Variants in ARHGAP31 observed in about 807,000 individuals in gnomAD.
ARHGAP31 encodes the protein rho GTPase-activating protein 31.
ARHGAP31 carries 34 observed loss-of-function variants against 113.9 expected under a neutral mutation model. The observed-to-expected ratio is 0.30, with a 90% CI of 0.23 to 0.40. The LOEUF (loss-of-function observed/expected upper bound fraction) is 0.40, where lower values mean the gene tolerates loss of function less well. Among genes scored for constraint, ARHGAP31 ranks in the 10% least tolerant of loss-of-function variants. The probability of loss-of-function intolerance (pLI) is 1.00; values close to 1 mark genes in which losing one functional copy is unlikely to be tolerated. For missense variants in ARHGAP31, 1,548 were observed against 1,767.1 expected (o/e 0.88, Z 2.22); for synonymous variants, 650 against 684.8 (o/e 0.95, Z 0.79).
chr3:119,325,808 G>A (rs1486910846), intron 1 of ARHGAP31, among the ~76,000 whole-genome samples: 3 of 152,218 alleles, frequency 2.0e-5, no homozygotes, highest in Admixed American at 6.5e-5. Flanking sequence ...CACCTGGGAA[G>A]TTTTTAAAAA....
chr3:119,343,814 C>T (rs1317400075), intron 1 of ARHGAP31, among the ~76,000 whole-genome samples: 1 of 152,214 alleles, frequency 6.6e-6, no homozygotes, highest in Non-Finnish European at 1.5e-5. Flanking sequence ...CAGGGACACT[C>T]CTGTACATCT....
chr3:119,321,707 G>A (rs1314329430), intron 1 of ARHGAP31, among the ~76,000 whole-genome samples: 2 of 152,306 alleles, frequency 1.3e-5, no homozygotes, highest in Non-Finnish European at 2.9e-5. Flanking sequence ...AGAGTGCAGT[G>A]TCACGATCTC....
intron 8 of ARHGAP31, among the ~76,000 whole-genome samples, chr3:119,394,964 T>C (rs2080536213): frequency 6.6e-6 from 1 of 152,200 alleles, no homozygotes; most frequent in Non-Finnish European, 1.5e-5. Context: ...AGCAAAATAT[T>C]GACACTTTAA....
rs751697784 is a variant in ARHGAP31, at chr3:119,393,603, C to T, written c.1006+12C>T. ...ACAGAGGCTCTCGGGTAAGAATCAA[C>T]AGCAATTGTTTTATGATACAAATAT... On this transcript the variant is annotated intron_variant, in intron 8 of 11. Coordinates refer to ENST00000264245, the MANE Select transcript of ARHGAP31 (RefSeq NM_020754.4). 10 of 1,613,738 alleles carry T rather than the reference C, an allele frequency of 6.2e-6. No homozygotes were observed. Among genetic ancestry groups the T allele is most frequent in the Admixed American group, 1.7e-5 (1 of 59,994 alleles).
chr3:119,313,875 T>C (rs2079705510), intron 1 of ARHGAP31, among the ~76,000 whole-genome samples: 1 of 152,188 alleles, frequency 6.6e-6, no homozygotes, highest in Admixed American at 6.5e-5. Flanking sequence ...TATCTTAAGG[T>C]AGGATCAGAA....
chr3:119,332,268 C>G lies in ARHGAP31; in HGVS notation c.101-33048C>G, dbSNP rs571825488. On this transcript the variant is annotated intron_variant, in intron 1 of 11. Coordinates refer to ENST00000264245, the MANE Select transcript of ARHGAP31 (RefSeq NM_020754.4). ...AGGCTGGAGTACAATGGCATGATCT[C>G]GGCTCACTGCAACCTCTGTCTCCCA... 3.3e-5 allele frequency among the ~76,000 whole-genome samples: 5 copies of G among 151,894 alleles called. 1 individual carries two copies. The highest frequency in any genetic ancestry group is 1.2e-4 in the African/African-American group (5 of 41,420).
chr3:119,321,274 A>G (rs1445985661), intron 1 of ARHGAP31, among the ~76,000 whole-genome samples: 1 of 120,400 alleles, frequency 8.3e-6, no homozygotes, highest in Non-Finnish European at 1.8e-5. Flanking sequence ...ACATATATAT[A>G]TATACTATAT....
chr3:119,308,927 A>T (rs144510731), intron 1 of ARHGAP31, among the ~76,000 whole-genome samples: 7 of 152,108 alleles, frequency 4.6e-5, no homozygotes, highest in African/African-American at 1.7e-4. Context: ...TGCAGCCTTG[A>T]CTTCCTGGAC....
rs186621177 is a variant in ARHGAP31, at chr3:119,414,288, C to G, written c.2359C>G (p.Pro787Ala). Reference sequence around the variant, plus strand: ...TCCTCCACTCCCACCTGCTCCTCCCCCTCCAACTCCTCTGGAGGAGTCAAC... The same window carrying G: ...TCCTCCACTCCCACCTGCTCCTCCCGCTCCAACTCCTCTGGAGGAGTCAAC... ...LSPPLPPAPP[P>A]PTPLEESTPV... Residue 787 changes from proline (P) to alanine (A), a missense_variant, in exon 12 of 12, where the codon CCT becomes GCT. Physicochemically the swap from Pro to Ala is conservative, Grantham distance 27. Transcript: ENST00000264245. The G allele has an allele frequency of 2.3e-4, 368 of 1,614,194 alleles. 3 individuals carry two copies. In the African/African-American group the frequency reaches 4.3e-3, roughly 19 times the overall value.
chr3:119,296,507 C>G (rs893160091), intron 1 of ARHGAP31, among the ~76,000 whole-genome samples: 3 of 152,184 alleles, frequency 2.0e-5, no homozygotes, highest in Non-Finnish European at 4.4e-5. Flanking sequence ...TCAAGTTAAC[C>G]TCCAGGTACA....
At chr3:119,362,909 T>G (rs904903362) in intron 1 of ARHGAP31, among the ~76,000 whole-genome samples, 2 of 152,168 alleles carry the variant, frequency 1.3e-5, no homozygotes, top group African/African-American at 2.4e-5. Context: ...ATTTATATTA[T>G]AGATAAGTTA....
chr3:119,398,579 G>C (rs2080571827), intron 8 of ARHGAP31, among the ~76,000 whole-genome samples: 1 of 152,236 alleles, frequency 6.6e-6, no homozygotes, highest in African/African-American at 2.4e-5. Flanking sequence ...CCAAAAAGCT[G>C]CTAAGGTGGC....
At chr3:119,387,283 T>C (rs2080461309) in intron 6 of ARHGAP31, among the ~76,000 whole-genome samples, 1 of 152,224 alleles carries the variant, frequency 6.6e-6, no homozygotes, top group South Asian at 2.1e-4. Context: ...CGCACTCTTG[T>C]CTTCTGGTCA....
In ARHGAP31 at chr3:119,414,150, C is replaced by A. The variant is rs1266405906; in HGVS notation, c.2221C>A (p.Pro741Thr). The A allele has an allele frequency of 6.2e-7, 1 of 1,614,172 alleles. No homozygotes were observed. Among genetic ancestry groups the A allele is most frequent in the South Asian group, 1.1e-5 (1 of 91,078 alleles). Residue 741 changes from proline (P) to threonine (T), a missense_variant, in exon 12 of 12, where the codon CCT becomes ACT. Coordinates refer to ENST00000264245, the MANE Select transcript of ARHGAP31 (RefSeq NM_020754.4). ...STAASREKPE[P>T]EQGLHPDLAS... Reference sequence around the variant, plus strand: ...AGCAGCCAGCAGAGAGAAGCCGGAACCTGAGCAGGGCCTGCACCCAGACCT... The same window carrying A: ...AGCAGCCAGCAGAGAGAAGCCGGAAACTGAGCAGGGCCTGCACCCAGACCT...
At chr3:119,303,224 A>C (rs1269954756) in intron 1 of ARHGAP31, among the ~76,000 whole-genome samples, 1 of 152,210 alleles carries the variant, frequency 6.6e-6, no homozygotes, top group Non-Finnish European at 1.5e-5. Context: ...TTCCTTCTTC[A>C]GAAAACCAGT....
At chr3:119,391,731 G>T (rs2080506890) in intron 7 of ARHGAP31, among the ~76,000 whole-genome samples, 1 of 151,964 alleles carries the variant, frequency 6.6e-6, no homozygotes, top group African/African-American at 2.4e-5. Context: ...CCACTCTTTG[G>T]TCAGTGAAAA....
chr3:119,325,520 T>TG (rs763677815), intron 1 of ARHGAP31, among the ~76,000 whole-genome samples: 1 of 152,176 alleles, frequency 6.6e-6, no homozygotes, highest in Non-Finnish European at 1.5e-5. Context: ...CCACTCACAC[T>TG]GTTGCAGTCC....
At chr3:119,308,185 C>G (rs1054375982) in intron 1 of ARHGAP31, among the ~76,000 whole-genome samples, 1 of 152,168 alleles carries the variant, frequency 6.6e-6, no homozygotes. Context: ...TTATTACAGA[C>G]AAGTAAATGC....
At chr3:119,347,264 A>AC (rs1481363281) in intron 1 of ARHGAP31, among the ~76,000 whole-genome samples, 2 of 152,192 alleles carry the variant, frequency 1.3e-5, no homozygotes, top group African/African-American at 4.8e-5. Context: ...CAAGGAAATT[A>AC]CCGGACTATA....
Sources: gnomAD v4.1 joint callset for allele counts (sites outside exome capture counted in the v4.1 genomes callset) on GRCh38, gnomAD v4.1.1 for gene constraint, MANE v1.5 for transcripts, NCBI Gene and HGNC (gene_info 2026-07-23, HGNC 2026-07-21) for gene names.